The following SOX13 variants were observed in gnomAD, a reference collection of about 807,000 sequenced individuals.
SOX13 encodes the protein SRY-box transcription factor 13.
A neutral mutation model predicts 71.8 loss-of-function variants in SOX13; 28 were observed. The observed-to-expected ratio is 0.39, with a 90% confidence interval of 0.29 to 0.53. The LOEUF (loss-of-function observed/expected upper bound fraction) is 0.53. Ranked by LOEUF, SOX13 falls within the 20% of genes least tolerant of loss-of-function variation. The pLI is 0.70. For missense variants in SOX13, 627 were observed against 810.3 expected, an observed-to-expected ratio of 0.77 and a Z score of 2.75; for synonymous variants, 309 against 317.8, an observed-to-expected ratio of 0.97 and a Z score of 0.29.
At chr1:204,125,019 T>G (rs1656892189) in intron 13 of SOX13, among the ~76,000 whole-genome samples, 162 bp downstream of exon 13, 1 of 152,142 alleles carries the variant, frequency 6.6e-6, no homozygotes, top group Non-Finnish European at 1.5e-5. Context: ...AGCCTGCACG[T>G]GCGACCCGAC....
intron 1 of SOX13, among the ~76,000 whole-genome samples, chr1:204,082,351 T>G (rs1398189915): frequency 6.6e-6 from 1 of 151,676 alleles, no homozygotes; most frequent in Non-Finnish European, 1.5e-5. Flanking sequence ...CTCCGAGAAC[T>G]CCAGGGAGAC....
chr1:204,126,167 T>C lies in SOX13; in HGVS notation c.*33T>C. 2 of 1,601,094 alleles carry C rather than the reference T, an allele frequency of 1.2e-6. No individual in the cohort carries two copies. Among genetic ancestry groups the C allele is most frequent in the South Asian group, 2.2e-5 (2 of 89,778 alleles). On this transcript the variant is annotated 3_prime_UTR_variant, in exon 14 of 14. Coordinates refer to ENST00000367204, the MANE Select transcript of SOX13 (RefSeq NM_005686.3). ...TGGGTGGGCCTGGCCCCTTCTCCTC[T>C]GGGGAAGACCTTGTCCCAACTCGAT... is the stretch of plus-strand genomic sequence containing the variant.
rs1257302817 is a variant in SOX13, at chr1:204,122,979, C to T, written c.1134+16C>T. 6.4e-7 allele frequency: 1 copy of T among 1,551,436 alleles called. No homozygotes were observed. Among genetic ancestry groups the T allele is most frequent in the Admixed American group, 1.8e-5 (1 of 57,110 alleles). On this transcript the variant is annotated intron_variant, in intron 10 of 13. Transcript: ENST00000367204. ...CTTCCGTAAGGTATGGTCCCCCACTCCCTTGAGCCTAGGGGCAGCAACAGA... is the reference window on the plus strand; with the variant it reads ...CTTCCGTAAGGTATGGTCCCCCACTTCCTTGAGCCTAGGGGCAGCAACAGA...
intron 1 of SOX13, among the ~76,000 whole-genome samples, chr1:204,103,168 T>C (rs1172530891): frequency 6.6e-6 from 1 of 152,246 alleles, no homozygotes; most frequent in Non-Finnish European, 1.5e-5. Context: ...ATTTTACACA[T>C]GAAGAAATGG....
rs761577023 is a variant in SOX13 at position 204,124,753 on chromosome 1, G to A, written c.1488G>A (p.Arg496=). 1 of 1,609,552 alleles carries A rather than the reference G, an allele frequency of 6.2e-7. No homozygotes were observed. The highest frequency in any genetic ancestry group is 8.5e-7 in the Non-Finnish European group (1 of 1,178,182). Residue 496 remains arginine (R), a synonymous_variant, in exon 13 of 14, where the codon CGG becomes CGA. Coordinates refer to ENST00000367204, the MANE Select transcript of SOX13 (RefSeq NM_005686.3). The part of the protein sequence containing the change: ...EKYPDYKYKP[R]PKRTCIVEGK... Reference sequence around the variant, plus strand: ...ATCCTGACTACAAGTACAAGCCGCGGCCCAAGCGCACCTGCATCGTGGAGG... The same window carrying A: ...ATCCTGACTACAAGTACAAGCCGCGACCCAAGCGCACCTGCATCGTGGAGG...
Position 204,121,739 on chromosome 1 carries a change from A to G in SOX13, c.776-161A>G, listed in dbSNP as rs961779595. The G allele has an allele frequency of 4.9e-5, 34 of 690,554 alleles. No homozygotes were observed. The African/African-American group carries it at 5.3e-4, about 11-fold the overall frequency. 42.8% of individuals were successfully genotyped at this position (690,554 alleles called of 1,614,324 possible). A position where few individuals can be genotyped will look rare whatever the true frequency, so the allele number is the denominator to read the frequency against. On this transcript the variant is annotated intron_variant, in intron 7 of 13. Coordinates refer to ENST00000367204, the MANE Select transcript of SOX13 (RefSeq NM_005686.3). ...GGGCAGTGTGGAGTGAGGGGATAGG[A>G]GCCTCCAAGCAGTGCTTTGGGGCTG... is the stretch of plus-strand genomic sequence containing the variant.
Position 204,117,123 on chromosome 1 carries a change from T to C in SOX13, c.593T>C (p.Ile198Thr). 6.2e-7 allele frequency: 1 copy of C among 1,613,884 alleles called. No individual in the cohort carries two copies. The highest frequency in any genetic ancestry group is 8.5e-7 in the Non-Finnish European group (1 of 1,179,840). ...CTGCCTACTCTTTCCCTCTCCCAGA[T>C]TGCAAAGCAGCAGCAGCAGCTGATT... ...MELARQQQEQ[I>T]AKQQQQLIQQ... is the part of the protein sequence containing the mutation. The change falls in exon 6 of 14, where the codon ATT becomes ACT. Residue 198 changes from isoleucine (I) to threonine (T), a missense_variant and splice_region_variant. Physicochemically the swap from Ile to Thr is moderately conservative, Grantham distance 89. Coordinates refer to ENST00000367204, the MANE Select transcript of SOX13 (RefSeq NM_005686.3).
At chr1:204,111,990 A>G (rs1470855156) in intron 1 of SOX13, among the ~76,000 whole-genome samples, 2 of 152,234 alleles carry the variant, frequency 1.3e-5, no homozygotes. Context: ...GAGGAGTAGT[A>G]GGAGTGTAGA....
At chr1:204,106,526 T>TC (rs2102246939) in intron 1 of SOX13, among the ~76,000 whole-genome samples, 1 of 152,040 alleles carries the variant, frequency 6.6e-6, no homozygotes, top group East Asian at 1.9e-4. Flanking sequence ...AATTTTTTTT[T>TC]TTTTTTTTTG....
chr1:204,080,021 G>A (rs995316015), intron 1 of SOX13, among the ~76,000 whole-genome samples: 1 of 152,198 alleles, frequency 6.6e-6, no homozygotes, highest in African/African-American at 2.4e-5. Flanking sequence ...CCCACATGTT[G>A]AGGGCTTCAG....
At chr1:204,102,762 C>G (rs6700051) in intron 1 of SOX13, among the ~76,000 whole-genome samples, 53,449 of 151,560 alleles carry the variant, frequency 0.35, 10,014 homozygotes, top group African/African-American at 0.47. Flanking sequence ...CATATTCAGT[C>G]TTCTCTATCT....
intron 1 of SOX13, among the ~76,000 whole-genome samples, chr1:204,088,988 C>T (rs1390283696): frequency 2.0e-5 from 3 of 152,100 alleles, no homozygotes; most frequent in South Asian, 2.1e-4. Context: ...TCCCTCTCAG[C>T]GATTGTGACC....
intron 1 of SOX13, among the ~76,000 whole-genome samples, chr1:204,101,640 A>G (rs796352748): frequency 5.9e-5 from 9 of 152,172 alleles, no homozygotes; most frequent in African/African-American, 2.2e-4. Context: ...GCTTTGTGCC[A>G]GGCATTGGGC....
intron 5 of SOX13, among the ~76,000 whole-genome samples, 157 bp from the exon 6 acceptor site, chr1:204,116,965 G>T (rs1464003934): frequency 6.6e-6 from 1 of 152,210 alleles, no homozygotes; most frequent in African/African-American, 2.4e-5. Context: ...TCCTGCAAAA[G>T]GAGAACCAAT....
rs771014997 is a variant in SOX13, at chr1:204,115,657, CTTTTT to C, written c.419-829_419-825del. ...TTTGCATATATTAGCGCTTCTTCTT[CTTTTT>C]TTTTTTTTTTTTTTTTTTTTGGAGA... On this transcript the variant is annotated intron_variant, in intron 4 of 13. Transcript: ENST00000367204. Among the ~76,000 whole-genome samples the C allele has an allele frequency of 4.9e-3, 284 of 57,404 alleles. 1 individual carries two copies. Among genetic ancestry groups the C allele is most frequent in the African/African-American group, 0.018 (249 of 13,686 alleles). 37.7% of individuals were successfully genotyped at this position (57,404 alleles called of 152,430 possible).
chr1:204,088,281 G>T (rs1458422102), intron 1 of SOX13, among the ~76,000 whole-genome samples: 5 of 152,106 alleles, frequency 3.3e-5, no homozygotes, highest in Non-Finnish European at 7.3e-5. Context: ...GAGAGGCATT[G>T]GTGCAAAGGG....
At chr1:204,102,510 G>T (rs908771845) in intron 1 of SOX13, among the ~76,000 whole-genome samples, 1 of 152,056 alleles carries the variant, frequency 6.6e-6, no homozygotes, top group African/African-American at 2.4e-5. Flanking sequence ...TAGCCTTTCC[G>T]CCTGTTTGCA....
intron 1 of SOX13, among the ~76,000 whole-genome samples, chr1:204,112,501 G>GCACACACACACACACACACA (rs6143576): frequency 5.9e-4 from 34 of 57,918 alleles, no homozygotes; most frequent in African/African-American, 1.3e-3. Flanking sequence ...ACACATGCGT[G>GCACACACACACACACACACA]CACACACACA....
At chr1:204,077,649 T>C (rs1160908747) in intron 1 of SOX13, among the ~76,000 whole-genome samples, 1 of 152,234 alleles carries the variant, frequency 6.6e-6, no homozygotes. Context: ...ATGGCTATCA[T>C]GCACACACGC....
Sources: allele counts gnomAD v4.1 joint callset (sites outside exome capture counted in the v4.1 genomes callset), GRCh38; gene constraint gnomAD v4.1.1; transcripts MANE v1.5; gene names NCBI Gene and HGNC (gene_info 2026-07-23, HGNC 2026-07-21).